PFDN4: variants seen among roughly 807,000 people sequenced by gnomAD.
PFDN4 encodes the protein prefoldin subunit 4, also known as prefoldin 4.
Under a neutral mutation model 17.6 loss-of-function variants are expected in PFDN4, and 6 were observed. The observed-to-expected ratio is 0.34, with a 90% CI of 0.19 to 0.67. PFDN4 has a LOEUF of 0.67. Among genes scored for constraint, PFDN4 ranks in the 30% least tolerant of loss-of-function variants. The pLI, the probability that PFDN4 is intolerant of heterozygous loss-of-function variation, is 0.68. For missense variants in PFDN4, 119 were observed against 158.4 expected (o/e 0.75, Z 1.33); for synonymous variants, 48 against 51.1 (o/e 0.94, Z 0.26).
intron 3 of PFDN4, among the ~76,000 whole-genome samples, chr20:54,216,419 T>G (rs1472875840): frequency 1.1e-4 from 16 of 152,236 alleles, no homozygotes; most frequent in Admixed American, 1.0e-3. Context: ...TTAGTAAGTC[T>G]TCAGAAGAAC....
intron 1 of PFDN4, among the ~76,000 whole-genome samples, chr20:54,210,139 C>CT (rs1430582868): frequency 6.6e-6 from 1 of 152,166 alleles, no homozygotes; most frequent in Admixed American, 6.5e-5. Context: ...TGCAGAGACT[C>CT]TGAGTGCATT....
intron 1 of PFDN4, among the ~76,000 whole-genome samples, chr20:54,213,438 C>T (rs940411992): frequency 8.5e-5 from 13 of 152,174 alleles, no homozygotes; most frequent in African/African-American, 1.2e-4. Flanking sequence ...CTCACAGAGA[C>T]GCACGTTCAC....
chr20:54,214,032 T>C (rs2092759416), intron 1 of PFDN4, among the ~76,000 whole-genome samples: 1 of 152,214 alleles, frequency 6.6e-6, no homozygotes. Flanking sequence ...GAAAGAATGC[T>C]CCAACTTGAG....
chr20:54,218,964 G>C (rs1384114622), intron 3 of PFDN4, 55 bp from the exon 4 acceptor site: 1 of 1,147,914 alleles, frequency 8.7e-7, no homozygotes. Context: ...TTCAGACACA[G>C]ATGCTCAGAA....
At chr20:54,210,378 A>G (rs934816033) in intron 1 of PFDN4, among the ~76,000 whole-genome samples, 3 of 152,244 alleles carry the variant, frequency 2.0e-5, no homozygotes. Flanking sequence ...CTTTGCCCTC[A>G]CTAGGAGAAA....
At position 54,219,773 on chromosome 20, in the gene PFDN4, C is replaced by G. The variant is rs957972729; in HGVS notation, c.*623C>G. The G allele has an allele frequency of 2.5e-6, 1 of 398,050 alleles. No individual in the cohort carries two copies. The highest frequency in any genetic ancestry group is 4.4e-6 in the Non-Finnish European group (1 of 225,924). 24.7% of individuals were successfully genotyped at this position (398,050 alleles called of 1,614,324 possible). On this transcript the variant is annotated 3_prime_UTR_variant, in exon 4 of 4. Coordinates refer to ENST00000371419, the MANE Select transcript of PFDN4 (RefSeq NM_002623.4). ...CAAACAGGGCAGAACCACAGAAGAA[C>G]GTTTTAGAAACCAAGAGATGTGCAG...
chr20:54,209,745 C>T (rs2092753222), intron 1 of PFDN4, among the ~76,000 whole-genome samples: 1 of 152,136 alleles, frequency 6.6e-6, no homozygotes, highest in Admixed American at 6.5e-5. Context: ...ATTTTGATTG[C>T]AAAATTTCTA....
chr20:54,208,106 G>T lies in PFDN4; in HGVS notation c.6G>T (p.Ala2=). The T allele has an allele frequency of 6.4e-7, 1 of 1,555,618 alleles. No homozygotes were observed. The change falls in exon 1 of 4, where the codon GCG becomes GCT. Residue 2 remains alanine (A), a synonymous_variant. Transcript: ENST00000371419. M[A]ATMKKAAAED... ...TGCGGTAGTCCAGTCCCAAGATGGC[G>T]GCCACCATGAAGAAGGCGGTGAGTG...
chr20:54,219,168 T>C lies in PFDN4; in HGVS notation c.*18T>C, dbSNP rs748561161. On this transcript the variant is annotated 3_prime_UTR_variant, in exon 4 of 4. Transcript: ENST00000371419. ...AAAGTTAAACATTTTATAATACTTT[T>C]TTTATTTGTTTAATAAACTTGAATA... 1.7e-4 allele frequency: 228 copies of C among 1,369,566 alleles called. No individual in the cohort carries two copies. The highest frequency in any genetic ancestry group is 2.1e-4 in the Non-Finnish European group (217 of 1,019,634). The allele number at this position is 1,369,566 out of a possible 1,614,324, so 84.8% of individuals were successfully genotyped here.
At chr20:54,209,501 C>G (rs1297122568) in intron 1 of PFDN4, among the ~76,000 whole-genome samples, 1 of 152,224 alleles carries the variant, frequency 6.6e-6, no homozygotes, top group African/African-American at 2.4e-5. Flanking sequence ...AAAATTCTTA[C>G]TGTGTCCCAG....
chr20:54,208,719 A>T (rs2092751671), intron 1 of PFDN4: 1 of 152,358 alleles, frequency 6.6e-6, no homozygotes. Flanking sequence ...TGAGTCCTTC[A>T]GGCTAAAACC....
chr20:54,218,012 C>T (rs185770778), intron 3 of PFDN4, among the ~76,000 whole-genome samples: 134 of 152,150 alleles, frequency 8.8e-4, no homozygotes, highest in Admixed American at 2.8e-3. Flanking sequence ...TCGGGGCCAC[C>T]GTTTGAGAAC....
At chr20:54,209,074 T>C (rs187758180) in intron 1 of PFDN4, among the ~76,000 whole-genome samples, 28 of 152,204 alleles carry the variant, frequency 1.8e-4, no homozygotes, top group Admixed American at 8.5e-4. Flanking sequence ...CGGCTGATAA[T>C]TTGGGGAGCT....
At chr20:54,217,495 A>G (rs2092764172) in intron 3 of PFDN4, among the ~76,000 whole-genome samples, 2 of 152,248 alleles carry the variant, frequency 1.3e-5, no homozygotes, top group African/African-American at 4.8e-5. Flanking sequence ...GTGAAGGGCC[A>G]GAAGTAAATA....
chr20:54,213,447 A>G (rs2092758646), intron 1 of PFDN4, among the ~76,000 whole-genome samples: 3 of 152,222 alleles, frequency 2.0e-5, no homozygotes, highest in African/African-American at 7.2e-5. Context: ...ACGCACGTTC[A>G]CATTCAGTTA....
intron 3 of PFDN4, among the ~76,000 whole-genome samples, chr20:54,216,230 A>C (rs574131124): frequency 1.3e-5 from 2 of 152,310 alleles, no homozygotes; most frequent in African/African-American, 4.8e-5. Flanking sequence ...CATGGTATGA[A>C]ATTTTCAGTT....
At chr20:54,213,443 G>C (rs1379312550) in intron 1 of PFDN4, among the ~76,000 whole-genome samples, 2 of 152,140 alleles carry the variant, frequency 1.3e-5, no homozygotes, top group East Asian at 1.9e-4. Context: ...AGAGACGCAC[G>C]TTCACATTCA....
At chr20:54,212,630 C>G (rs1279941899) in intron 1 of PFDN4, among the ~76,000 whole-genome samples, 1 of 152,236 alleles carries the variant, frequency 6.6e-6, no homozygotes, top group Non-Finnish European at 1.5e-5. Flanking sequence ...TGCACTGGAT[C>G]CGTTCATGTG....
rs116291442 is a variant in PFDN4 at position 54,213,589 on chromosome 20, A to G, written c.25-762A>G. ...ACCTCAGTTTCTCAATCTGTAAAAT[A>G]GTGCTGGTGATCCTCCCTAATAAGA... On this transcript the variant is annotated intron_variant, in intron 1 of 3. Transcript: ENST00000371419. Among the ~76,000 whole-genome samples the G allele has an allele frequency of 1.6e-3, 251 of 152,360 alleles. 1 individual carries two copies. Among genetic ancestry groups the G allele is most frequent in the African/African-American group, 5.9e-3 (246 of 41,590 alleles).
Sources: gnomAD v4.1 joint callset for allele counts (sites outside exome capture counted in the v4.1 genomes callset) on GRCh38, gnomAD v4.1.1 for gene constraint, MANE v1.5 for transcripts, NCBI Gene and HGNC (gene_info 2026-07-23, HGNC 2026-07-21) for gene names.